Variants in SPTLC3 observed in about 807,000 individuals in gnomAD.
SPTLC3 encodes serine palmitoyltransferase long chain base subunit 3.
SPTLC3 carries 36 observed loss-of-function variants against 59.3 expected under a neutral mutation model. The observed-to-expected ratio is 0.61, with a 90% confidence interval of 0.47 to 0.80. SPTLC3 has a LOEUF of 0.80. SPTLC3 is among the 30% of genes least tolerant of loss of function. The pLI, the probability that SPTLC3 is intolerant of heterozygous loss-of-function variation, is 0.00. For missense variants in SPTLC3, 625 were observed against 685.1 expected (o/e 0.91, Z 0.98); for synonymous variants, 257 against 240.8 (o/e 1.07, Z -0.62).
intron 8 of SPTLC3, among the ~76,000 whole-genome samples, chr20:13,124,073 G>C (rs2037930535): frequency 1.3e-5 from 2 of 152,212 alleles, no homozygotes; most frequent in Non-Finnish European, 2.9e-5. Flanking sequence ...GATGAATTCA[G>C]TCAGGCCAGC....
intron 4 of SPTLC3, among the ~76,000 whole-genome samples, chr20:13,083,465 C>A (rs1988909604): frequency 6.6e-6 from 1 of 152,148 alleles, no homozygotes; most frequent in African/African-American, 2.4e-5. Context: ...TACTTTCAGA[C>A]TTAATTCTCT....
chr20:13,049,653 A>G (rs748572592), intron 2 of SPTLC3: 7 of 162,636 alleles, frequency 4.3e-5, no homozygotes, highest in Non-Finnish European at 5.3e-5. Context: ...AGCATCTGAA[A>G]AATATAGCAT....
intron 9 of SPTLC3, among the ~76,000 whole-genome samples, chr20:13,146,425 A>G (rs2038511645): frequency 6.6e-6 from 1 of 152,160 alleles, no homozygotes; most frequent in Admixed American, 6.5e-5. Context: ...GAAACCTAAA[A>G]TTAAAATTAA....
intron 9 of SPTLC3, among the ~76,000 whole-genome samples, chr20:13,142,227 C>A (rs978990656): frequency 5.9e-5 from 9 of 152,178 alleles, no homozygotes; most frequent in African/African-American, 2.2e-4. Context: ...GGCACTGGGG[C>A]AAAAGATAGT....
intron 8 of SPTLC3, among the ~76,000 whole-genome samples, chr20:13,122,465 C>T (rs551945788): frequency 1.3e-5 from 2 of 152,320 alleles, no homozygotes; most frequent in Admixed American, 1.3e-4. Context: ...GCTTACTCTT[C>T]TGGGGAGAAG....
intron 8 of SPTLC3, 58 bp downstream of exon 8, chr20:13,117,783 G>C: frequency 6.9e-7 from 1 of 1,450,824 alleles, no homozygotes; most frequent in Non-Finnish European, 9.4e-7. Context: ...GATGCCGTGT[G>C]TAGGGCTTCT....
At chr20:13,009,852 T>A (rs1480492125) in intron 1 of SPTLC3, among the ~76,000 whole-genome samples, 2 of 152,134 alleles carry the variant, frequency 1.3e-5, no homozygotes, top group Non-Finnish European at 2.9e-5. Flanking sequence ...AAAGGCGAGT[T>A]ATTATTGGTG....
chr20:13,074,501 T>G lies in SPTLC3; in HGVS notation c.607+4T>G, dbSNP rs1164620378. The G allele has an allele frequency of 6.2e-7, 1 of 1,609,180 alleles. No individual in the cohort carries two copies. The highest frequency in any genetic ancestry group is 8.5e-7 in the Non-Finnish European group (1 of 1,177,606). On this transcript the variant is annotated splice_donor_region_variant and intron_variant, in intron 4 of 11. Coordinates refer to ENST00000399002, the MANE Select transcript of SPTLC3 (RefSeq NM_018327.4). ...GCCAGCACCAGGCATGAAATGGGTA[T>G]GTACATTCACTGTTTTGAAACTTTT...
chr20:13,158,416 T>G (rs1362697885), intron 10 of SPTLC3, among the ~76,000 whole-genome samples: 1 of 152,172 alleles, frequency 6.6e-6, no homozygotes. Context: ...TGCCCTGCAT[T>G]CTTTGGCAAA....
intron 1 of SPTLC3, among the ~76,000 whole-genome samples, chr20:13,032,081 C>T (rs1038422442): frequency 6.6e-6 from 1 of 152,178 alleles, no homozygotes; most frequent in African/African-American, 2.4e-5. Context: ...ATTGTTCTCA[C>T]ATGGCATTTT....
intron 9 of SPTLC3, among the ~76,000 whole-genome samples, chr20:13,138,953 C>T (rs896399243): frequency 2.6e-5 from 4 of 152,264 alleles, no homozygotes; most frequent in Admixed American, 6.5e-5. Context: ...CAATCTGAAA[C>T]TCAAAAGTGT....
At position 13,013,547 on chromosome 20, in the gene SPTLC3, T is replaced by C. The variant is rs139318384; in HGVS notation, c.117+4163T>C. On this transcript the variant is annotated intron_variant, in intron 1 of 11. Transcript: ENST00000399002. ...TTTTCTAATGCCTTTGTTTCTTGGC[T>C]CCTATTTCCTTAAAACAATCCCCAA... 9.1e-3 allele frequency among the ~76,000 whole-genome samples: 1,391 copies of C among 152,338 alleles called. 13 individuals are homozygous for C. The highest frequency in any genetic ancestry group is 0.024 in the Middle Eastern group (7 of 294).
chr20:13,101,538 G>A (rs1989600840), intron 6 of SPTLC3, among the ~76,000 whole-genome samples: 1 of 152,124 alleles, frequency 6.6e-6, no homozygotes, highest in Non-Finnish European at 1.5e-5. Flanking sequence ...GCAGCTTCAG[G>A]GACATAGCCA....
chr20:13,077,784 CT>C (rs34090988), intron 4 of SPTLC3, among the ~76,000 whole-genome samples: 202 of 145,488 alleles, frequency 1.4e-3, no homozygotes, highest in Admixed American at 2.1e-3. Context: ...GCTATCTGTA[CT>C]TTTTTTTTTT....
At position 13,134,797 on chromosome 20, in the gene SPTLC3, C is replaced by A. The variant is rs2038205476; in HGVS notation, c.1279+8080C>A. Among the ~76,000 whole-genome samples, 3 of 152,074 alleles carry A rather than the reference C, an allele frequency of 2.0e-5. No individual in the cohort carries two copies. In the East Asian group the frequency reaches 5.8e-4, roughly 29 times the overall value. ...AGAAAAAAGGAGGAAGAAGAGCAGG[C>A]AGAAGAATAAGAAAAAGCCCGAAAG... On this transcript the variant is annotated intron_variant, in intron 9 of 11. Transcript: ENST00000399002.
At chr20:13,077,467 T>C (rs1488593457) in intron 4 of SPTLC3, among the ~76,000 whole-genome samples, 1 of 152,070 alleles carries the variant, frequency 6.6e-6, no homozygotes, top group African/African-American at 2.4e-5. Flanking sequence ...CATAAAAATC[T>C]ACTATATATT....
At chr20:13,104,929 C>A (rs1027144986) in intron 6 of SPTLC3, among the ~76,000 whole-genome samples, 7 of 152,062 alleles carry the variant, frequency 4.6e-5, no homozygotes, top group African/African-American at 9.7e-5. Flanking sequence ...AAAAACCTAA[C>A]AGTCCTTCCC....
At chr20:13,117,464 G>C in intron 7 of SPTLC3, 42 bp from the exon 8 acceptor site, 1 of 1,518,704 alleles carries the variant, frequency 6.6e-7, no homozygotes, top group Non-Finnish European at 8.9e-7. Flanking sequence ...AGCTTCCCAG[G>C]AGGGTATTTG....
At chr20:13,081,133 A>G (rs6134775) in intron 4 of SPTLC3, among the ~76,000 whole-genome samples, 41,684 of 151,916 alleles carry the variant, frequency 0.27, 5,846 homozygotes, top group Middle Eastern at 0.35. Context: ...CACACTTCCA[A>G]GTTGCTTTGG....
Sources: allele counts gnomAD v4.1 joint callset (sites outside exome capture counted in the v4.1 genomes callset), GRCh38; gene constraint gnomAD v4.1.1; transcripts MANE v1.5; gene names NCBI Gene and HGNC (gene_info 2026-07-23, HGNC 2026-07-21).